The following MYH13 variants were observed in gnomAD, a reference collection of about 807,000 sequenced individuals.
The protein encoded by MYH13 is myosin-13.
A neutral mutation model predicts 232.1 loss-of-function variants in MYH13; 177 were observed. The ratio of observed to expected loss-of-function variants is 0.76; its 90% CI spans 0.67 to 0.86. MYH13 has a LOEUF of 0.86. Ranked by LOEUF, MYH13 falls within the 40% of genes least tolerant of loss-of-function variation. The pLI is 0.00. For synonymous variants in MYH13, 884 were observed against 923.5 expected (o/e 0.96, Z 0.78); for missense variants, 2,246 against 2,405.9 (o/e 0.93, Z 1.39).
rs1302468328 is a variant in MYH13 at position 10,362,227 on chromosome 17, C to T, written c.396G>A (p.Leu132=). The T allele has an allele frequency of 6.2e-6, 10 of 1,613,742 alleles. No individual in the cohort carries two copies. The highest frequency in any genetic ancestry group is 8.5e-6 in the Non-Finnish European group (10 of 1,179,776). The change falls in exon 5 of 41, where the codon CTG becomes CTA. Residue 132 remains leucine (L), a synonymous_variant. Transcript: ENST00000252172. ...FCVTVNPYKW[L]PVYKPEVVAA... Reference sequence around the variant, plus strand: ...CCACCACCTCGGGCTTGTACACCGGCAGCCACTTGTAGGGGTTGACGGTGA... The same window carrying T: ...CCACCACCTCGGGCTTGTACACCGGTAGCCACTTGTAGGGGTTGACGGTGA...
intron 12 of MYH13, among the ~76,000 whole-genome samples, chr17:10,347,372 A>G (rs2071674042): frequency 6.6e-6 from 1 of 152,194 alleles, no homozygotes; most frequent in South Asian, 2.1e-4. Context: ...ACTCAAAAAA[A>G]AAATTAATTA....
At chr17:10,320,305 G>T (rs545317943) in intron 25 of MYH13, 46 bp downstream of exon 25, 1 of 1,607,932 alleles carries the variant, frequency 6.2e-7, no homozygotes, top group East Asian at 2.2e-5. Context: ...GGGGGTGAAA[G>T]TTGGCTTTTA....
At chr17:10,366,395 T>TTTTTTTTTTTTTTTTTTTTA in intron 2 of MYH13, among the ~76,000 whole-genome samples, 1 of 149,660 alleles carries the variant, frequency 6.7e-6, no homozygotes. Flanking sequence ...TTTTTTTTTT[T>TTTTTTTTTTTTTTTTTTTTA]TTTGAGATGG....
rs2071759576 is a variant in MYH13 at position 10,357,729 on chromosome 17, T to A, written c.738+6A>T. The A allele has an allele frequency of 6.2e-7, 1 of 1,612,888 alleles. No individual in the cohort carries two copies. The highest frequency in any genetic ancestry group is 8.5e-7 in the Non-Finnish European group (1 of 1,179,154). ...GAGGATACTTGAAAATTGGGCCGGA[T>A]CTTACAAATCTTGAGGAGTTGTCAT... On this transcript the variant is annotated splice_donor_region_variant and intron_variant, in intron 8 of 40. Coordinates refer to ENST00000252172, the MANE Select transcript of MYH13 (RefSeq NM_003802.3).
intron 16 of MYH13, among the ~76,000 whole-genome samples, chr17:10,341,855 C>T (rs2071622034): frequency 6.6e-6 from 1 of 152,012 alleles, no homozygotes; most frequent in Non-Finnish European, 1.5e-5. Context: ...TATTACATTC[C>T]CTGGCCCAGA....
chr17:10,312,087 A>T lies in MYH13; in HGVS notation c.4366-11T>A. On this transcript the variant is annotated splice_polypyrimidine_tract_variant and intron_variant, in intron 31 of 40. Coordinates refer to ENST00000252172, the MANE Select transcript of MYH13 (RefSeq NM_003802.3). Reference sequence around the variant, plus strand: ...CCACTCTGCAAGGACCTGGGAGATGACAAAGGGACATGGGAGAAGCAGAAA... The same window carrying T: ...CCACTCTGCAAGGACCTGGGAGATGTCAAAGGGACATGGGAGAAGCAGAAA... The T allele has an allele frequency of 6.2e-7, 1 of 1,613,264 alleles. No homozygotes were observed. The highest frequency in any genetic ancestry group is 8.5e-7 in the Non-Finnish European group (1 of 1,179,866).
At chr17:10,358,402 ACTGT>A (rs1268331226) in intron 7 of MYH13, among the ~76,000 whole-genome samples, 1 of 152,140 alleles carries the variant, frequency 6.6e-6, no homozygotes, top group African/African-American at 2.4e-5. Context: ...TTTAGAAACT[ACTGT>A]CAAACCTAGT....
chr17:10,322,560 G>A lies in MYH13; in HGVS notation c.2935-852C>T, dbSNP rs557379902. 4.6e-5 allele frequency among the ~76,000 whole-genome samples: 7 copies of A among 151,848 alleles called. No individual in the cohort carries two copies. The South Asian group carries it at 1.5e-3, about 32-fold the overall frequency. ...GAAGTTGCTAACTCCTAATCTATGG[G>A]CTGAATCTGGCCATATTTTCTTTAG... On this transcript the variant is annotated intron_variant, in intron 23 of 40. Transcript: ENST00000252172.
chr17:10,343,924 G>T lies in MYH13; in HGVS notation c.1770C>A (p.Tyr590Ter). 6.2e-7 allele frequency: 1 copy of T among 1,614,260 alleles called. No individual in the cohort carries two copies. Among genetic ancestry groups the T allele is most frequent in the Non-Finnish European group, 8.5e-7 (1 of 1,180,044 alleles). The stretch of plus-strand genomic sequence containing the variant: ...TTTTGTCCAGCCAGCCGGCGATGTT[G>T]TAGTCCACGGTGCCGGCATAGTGCA... ...SLVHYAGTVD[Y>*]NIAGWLDKNK... The change falls in exon 16 of 41, where the codon TAC (tyrosine) becomes TAA (stop). Residue 590 changes from tyrosine to a stop codon, truncating the protein, a stop_gained. Transcript: ENST00000252172. LOFTEE classifies it high-confidence loss of function.
intron 30 of MYH13, 137 bp downstream of exon 30, chr17:10,313,021 G>T: frequency 7.3e-7 from 1 of 1,372,326 alleles, no homozygotes; most frequent in Non-Finnish European, 1.0e-6. Context: ...GACCCCCAGA[G>T]GGTGGGGGGT....
In MYH13 at chr17:10,368,459, T is replaced by C. The variant is rs914751852; in HGVS notation, c.-13+2750A>G. 3.3e-5 allele frequency among the ~76,000 whole-genome samples: 5 copies of C among 152,326 alleles called. 1 individual carries two copies. Among genetic ancestry groups the C allele is most frequent in the South Asian group, 2.1e-4 (1 of 4,826 alleles). ...CAGTTCAGCTTGCAACTCACACAAA[T>C]GCACATGTGCTTTTCCAGGAGACAA... On this transcript the variant is annotated intron_variant, in intron 2 of 40. Coordinates refer to ENST00000252172, the MANE Select transcript of MYH13 (RefSeq NM_003802.3).
intron 29 of MYH13, 105 bp from the exon 30 acceptor site, chr17:10,313,459 G>C: frequency 1.5e-5 from 23 of 1,534,746 alleles, no homozygotes; most frequent in Non-Finnish European, 2.0e-5. Flanking sequence ...TCCCTATGCT[G>C]TCTTCACCAA....
intron 11 of MYH13, among the ~76,000 whole-genome samples, chr17:10,352,070 C>T (rs2071714678): frequency 6.6e-6 from 1 of 152,178 alleles, no homozygotes; most frequent in Non-Finnish European, 1.5e-5. Context: ...GGTTGCATAT[C>T]TCTGTCCTAG....
intron 35 of MYH13, 126 bp downstream of exon 35, chr17:10,309,108 A>G: frequency 1.1e-6 from 1 of 949,540 alleles, no homozygotes; most frequent in Non-Finnish European, 1.5e-6. Context: ...CTAGTCTGGG[A>G]GAAACCGGGT....
chr17:10,306,929 C>A lies in MYH13; in HGVS notation c.5295+10G>T. On this transcript the variant is annotated intron_variant, in intron 36 of 40. Coordinates refer to ENST00000252172, the MANE Select transcript of MYH13 (RefSeq NM_003802.3). The surrounding 1 kb of genome is among the most constrained non-coding windows in gnomAD (Gnocchi z 4.3). Reference sequence around the variant, plus strand: ...AAACCCCATCTCTGAAAAGGAAGAACAGAGCTCACATCCGTGATGGCCTTC... The same window carrying A: ...AAACCCCATCTCTGAAAAGGAAGAAAAGAGCTCACATCCGTGATGGCCTTC... 1.9e-6 allele frequency: 3 copies of A among 1,613,088 alleles called. No individual in the cohort carries two copies. Among genetic ancestry groups the A allele is most frequent in the Non-Finnish European group, 2.5e-6 (3 of 1,179,908 alleles).
intron 39 of MYH13, among the ~76,000 whole-genome samples, chr17:10,302,420 G>T (rs1301149948): frequency 2.0e-5 from 3 of 152,110 alleles, no homozygotes; most frequent in Non-Finnish European, 4.4e-5. Flanking sequence ...GTGAGAAATG[G>T]TATATTCTGG....
Position 10,340,375 on chromosome 17 carries a change from C to G in MYH13, c.1921G>C (p.Gly641Arg). ...TGDSGGSKKG[G>R]KKKGSSFQTV... ...TGGAAAGAGGAGCCCTTCTTCTTCC[C>G]GCCCTTCTTGCTTCCTCCGGAGTCG... is the stretch of plus-strand genomic sequence containing the variant. Residue 641 changes from glycine (G) to arginine (R), a missense_variant, in exon 17 of 41, where the codon GGG becomes CGG. Transcript: ENST00000252172. The G allele has an allele frequency of 2.5e-6, 4 of 1,613,824 alleles. No individual in the cohort carries two copies. Among genetic ancestry groups the G allele is most frequent in the Non-Finnish European group, 3.4e-6 (4 of 1,179,818 alleles).
intron 15 of MYH13, among the ~76,000 whole-genome samples, chr17:10,344,676 C>T (rs1194064598): frequency 2.0e-5 from 3 of 151,728 alleles, no homozygotes; most frequent in Non-Finnish European, 4.4e-5. Flanking sequence ...AAAAAATTAT[C>T]TGGGCGTGGT....
At chr17:10,325,248 G>A (rs182958895) in intron 22 of MYH13, among the ~76,000 whole-genome samples, 36 of 152,280 alleles carry the variant, frequency 2.4e-4, no homozygotes, top group African/African-American at 8.2e-4. Flanking sequence ...CCACCAGTTG[G>A]AAAATGACTC....
Sources: gnomAD v4.1 joint callset for allele counts (sites outside exome capture counted in the v4.1 genomes callset) on GRCh38, gnomAD v4.1.1 for gene constraint, Gnocchi (gnomAD v3.1) non-coding constraint, MANE v1.5 for transcripts, NCBI Gene and HGNC (gene_info 2026-07-23, HGNC 2026-07-21) for gene names.